The following PTP4A1 variants were observed in gnomAD, a reference collection of about 807,000 sequenced individuals.
The protein encoded by PTP4A1 is protein tyrosine phosphatase 4A1.
In PTP4A1, 9 loss-of-function variants were observed where a neutral mutation model predicts 20.5. That is an observed-to-expected ratio of 0.44 (90% CI 0.26 to 0.77). The LOEUF is 0.77. Among genes scored for constraint, PTP4A1 ranks in the 30% least tolerant of loss-of-function variants. The pLI is 0.19. For synonymous variants in PTP4A1, 78 were observed against 67.4 expected, an observed-to-expected ratio of 1.16 and a Z score of -0.77; for missense variants, 137 against 218.8, an observed-to-expected ratio of 0.63 and a Z score of 2.36.
chr6:63,560,340 A>G (rs1483366363), intron 3 of PTP4A1, among the ~76,000 whole-genome samples: 1 of 141,416 alleles, frequency 7.1e-6, no homozygotes, highest in Non-Finnish European at 1.5e-5. Context: ...CTCCGTCTCA[A>G]AAAAAAAAAA....
chr6:63,549,554 A>T, intron 2 of PTP4A1: 3 of 613,612 alleles, frequency 4.9e-6, no homozygotes, highest in South Asian at 4.0e-5. Flanking sequence ...ATAAATGTTG[A>T]CAAGATTTGA....
At chr6:63,578,384 G>T in intron 2 of PTP4A1, 53 bp from the exon 3 acceptor site, 1 of 1,554,026 alleles carries the variant, frequency 6.4e-7, no homozygotes, top group Non-Finnish European at 8.7e-7. Flanking sequence ...AAAATGTTGA[G>T]TTATAGTGAT....
At chr6:63,580,033 A>C in intron 5 of PTP4A1, 24 bp from the exon 6 acceptor site, 4 of 1,385,474 alleles carry the variant, frequency 2.9e-6, no homozygotes, top group Non-Finnish European at 4.0e-6. Flanking sequence ...GCCTTGTTTC[A>C]TTTTTTTTTT....
upstream of PTP4A1, chr6:63,571,509 GA>G (rs1198571323): frequency 6.6e-6 from 1 of 152,202 alleles, no homozygotes; most frequent in Admixed American, 6.5e-5. Flanking sequence ...CTTAAATAAT[GA>G]AGTCAGTAAA....
intron 2 of PTP4A1, among the ~76,000 whole-genome samples, chr6:63,540,445 A>C (rs887755654): frequency 6.6e-6 from 1 of 151,842 alleles, no homozygotes; most frequent in African/African-American, 2.4e-5. Context: ...ACATGGTGAA[A>C]CCCCGTCTCT....
At chr6:63,562,741 T>C (rs1777018947) in intron 3 of PTP4A1, among the ~76,000 whole-genome samples, 1 of 152,232 alleles carries the variant, frequency 6.6e-6, no homozygotes, top group South Asian at 2.1e-4. Flanking sequence ...AATACCTAAA[T>C]ATACAACTTT....
At chr6:63,528,257 A>C (rs1465411016) in intron 2 of PTP4A1, among the ~76,000 whole-genome samples, 1 of 150,330 alleles carries the variant, frequency 6.7e-6, no homozygotes, top group African/African-American at 2.5e-5. Context: ...GGTGTAGATG[A>C]CTTGAGCACA....
intron 3 of PTP4A1, among the ~76,000 whole-genome samples, chr6:63,552,552 G>A (rs887677859): frequency 5.9e-5 from 9 of 152,140 alleles, no homozygotes; most frequent in African/African-American, 2.2e-4. Flanking sequence ...GATCCCATTT[G>A]TTAATTTTGG....
chr6:63,536,526 C>T (rs1035051059), intron 2 of PTP4A1, among the ~76,000 whole-genome samples: 4 of 152,094 alleles, frequency 2.6e-5, no homozygotes, highest in African/African-American at 4.8e-5. Context: ...AACATCTGAA[C>T]TCAGGAATTT....
At position 63,549,946 on chromosome 6, in the gene PTP4A1, AAGG is replaced by A. The variant is rs1776363137; in HGVS notation, c.-639-349_-639-347del. 2.0e-5 allele frequency among the ~76,000 whole-genome samples: 3 copies of A among 152,324 alleles called. No homozygotes were observed. The South Asian group carries it at 6.2e-4, about 32-fold the overall frequency. Reference sequence around the variant, plus strand: ...ATAATATTCAGTTTCAAATTGCTAGAAGGAGGATATTGAATGTTCACAACATAA... The same window carrying A: ...ATAATATTCAGTTTCAAATTGCTAGAAGGATATTGAATGTTCACAACATAA... On this transcript the variant is annotated intron_variant, in intron 2 of 3. Coordinates refer to the PTP4A1 transcript ENST00000639568.
intron 3 of PTP4A1, among the ~76,000 whole-genome samples, chr6:63,555,239 A>G (rs1288816367): frequency 2.0e-5 from 3 of 152,242 alleles, no homozygotes; most frequent in Non-Finnish European, 4.4e-5. Flanking sequence ...GTAGAGGTAC[A>G]TGACTCTCCA....
At chr6:63,518,147 C>T (rs1231052860), upstream of PTP4A1, among the ~76,000 whole-genome samples, 2 of 144,470 alleles carry the variant, frequency 1.4e-5, no homozygotes, top group Non-Finnish European at 3.0e-5. Context: ...CAGTGAGACT[C>T]CGTCTCCAAA....
chr6:63,581,453 A>G lies in PTP4A1; in HGVS notation c.*1279A>G, dbSNP rs978807403. 2.0e-5 allele frequency: 3 copies of G among 152,606 alleles called. No homozygotes were observed. The highest frequency in any genetic ancestry group is 2.0e-4 in the Admixed American group (3 of 15,264). The allele number at this position is 152,606 out of a possible 1,614,324, so 9.5% of individuals were successfully genotyped here. On this transcript the variant is annotated 3_prime_UTR_variant, in exon 6 of 6. Coordinates refer to ENST00000626021, the MANE Select transcript of PTP4A1 (RefSeq NM_003463.5). Reference sequence around the variant, plus strand: ...AAATAAATAATGACATGCATTTATCATCATTGAGATTGGTTTGCTTAAAAT... The same window carrying G: ...AAATAAATAATGACATGCATTTATCGTCATTGAGATTGGTTTGCTTAAAAT...
At chr6:63,572,279 G>A (rs1037092351), upstream of PTP4A1, 18 of 177,612 alleles carry the variant, frequency 1.0e-4, no homozygotes, top group African/African-American at 4.3e-4. Context: ...TCCCTCCCCC[G>A]CCCCGGGGAT....
At chr6:63,572,364 G>A (rs1029889563), upstream of PTP4A1, 15 of 304,136 alleles carry the variant, frequency 4.9e-5, no homozygotes, top group Non-Finnish European at 6.6e-5. Context: ...CGTCCGGAGG[G>A]GGCGGGCCTC....
chr6:63,517,663 CAT>C (rs776126620), upstream of PTP4A1, among the ~76,000 whole-genome samples: 10 of 152,188 alleles, frequency 6.6e-5, no homozygotes, highest in Admixed American at 2.6e-4. Context: ...CATACACACA[CAT>C]ATATATGACT....
At chr6:63,560,952 T>A (rs1177104965) in intron 3 of PTP4A1, among the ~76,000 whole-genome samples, 3 of 152,190 alleles carry the variant, frequency 2.0e-5, no homozygotes, top group Non-Finnish European at 2.9e-5. Context: ...CATAATCATA[T>A]TTTATGATTC....
intron 1 of PTP4A1, among the ~76,000 whole-genome samples, chr6:63,575,818 C>T (rs926293094): frequency 6.6e-6 from 1 of 151,932 alleles, no homozygotes; most frequent in African/African-American, 2.4e-5. Flanking sequence ...GGAATGATAA[C>T]AGATTGTTAA....
intron 3 of PTP4A1, among the ~76,000 whole-genome samples, chr6:63,563,982 T>C (rs530944689): frequency 6.1e-4 from 93 of 152,294 alleles, no homozygotes; most frequent in Admixed American, 1.1e-3. Context: ...AGAAATACAT[T>C]ATAGGACAAC....
Sources: allele counts gnomAD v4.1 joint callset (sites outside exome capture counted in the v4.1 genomes callset), GRCh38; gene constraint gnomAD v4.1.1; transcripts MANE v1.5; gene names NCBI Gene and HGNC (gene_info 2026-07-23, HGNC 2026-07-21).